The following FLRT1 variants were observed in gnomAD, a reference collection of about 807,000 sequenced individuals.
The protein encoded by FLRT1 is fibronectin leucine rich transmembrane protein 1, also known as leucine-rich repeat transmembrane protein FLRT1.
Under a neutral mutation model 30.9 loss-of-function variants are expected in FLRT1, and 14 were observed. The ratio of observed to expected loss-of-function variants is 0.45; its 90% confidence interval spans 0.30 to 0.71. The LOEUF (loss-of-function observed/expected upper bound fraction) is 0.71, where lower values mean the gene tolerates loss of function less well. Among genes scored for constraint, FLRT1 ranks in the 30% least tolerant of loss-of-function variants. FLRT1 has a pLI of 0.08. For synonymous variants in FLRT1, 368 were observed against 430.4 expected (o/e 0.85, Z 1.80); for missense variants, 737 against 949.2 (o/e 0.78, Z 2.94).
rs1175440566 is a variant in FLRT1, at chr11:64,036,862, C to T, written c.-1038+703C>T. On this transcript the variant is annotated intron_variant, in intron 1 of 2. Transcript: ENST00000682287. The surrounding 1 kb of genome is among the most constrained non-coding windows in gnomAD (Gnocchi z 5.6). ...AAGGAGGCGGCCCGACCCGGCGGCG[C>T]ACGCCCCTCCTCGCGGGCACTGGAG... 6.6e-6 allele frequency among the ~76,000 whole-genome samples: 1 copy of T among 152,144 alleles called. No individual in the cohort carries two copies. The highest frequency in any genetic ancestry group is 1.5e-5 in the Non-Finnish European group (1 of 68,014).
intron 1 of FLRT1, among the ~76,000 whole-genome samples, chr11:64,099,872 G>C (rs1944641401): frequency 6.6e-6 from 1 of 151,952 alleles, no homozygotes; most frequent in African/African-American, 2.4e-5. Context: ...TGGTGAGATG[G>C]AGGGATCGAG....
At position 64,073,904 on chromosome 11, in the gene FLRT1, G is replaced by A. The variant is rs545888075; in HGVS notation, c.-1037-29290G>A. Among the ~76,000 whole-genome samples, 16 of 152,294 alleles carry A rather than the reference G, an allele frequency of 1.1e-4. 1 individual carries two copies. The highest frequency in any genetic ancestry group is 1.0e-3 in the Admixed American group (16 of 15,308). On this transcript the variant is annotated intron_variant, in intron 1 of 2. Coordinates refer to ENST00000682287, the MANE Select transcript of FLRT1 (RefSeq NM_013280.5). ...CCAGCCCAGCCACTTAGGGGCTCTG[G>A]GGTTGAAGGGTTGGTTGGGCTGAAG...
chr11:64,064,930 G>A lies in FLRT1; in HGVS notation c.-1038+28771G>A, dbSNP rs1314390607. On this transcript the variant is annotated intron_variant, in intron 1 of 2. Coordinates refer to ENST00000682287, the MANE Select transcript of FLRT1 (RefSeq NM_013280.5). This position sits in a 1 kb window ranked among gnomAD's most constrained non-coding sequence, Gnocchi z 4.5. ...ACGTGCCAGGCAAGGCGGCAGGCAGGAGGGCCACCATGGTGACTGAGACAG... is the reference window on the plus strand; with the variant it reads ...ACGTGCCAGGCAAGGCGGCAGGCAGAAGGGCCACCATGGTGACTGAGACAG... Among the ~76,000 whole-genome samples, 1 of 151,744 alleles carries A rather than the reference G, an allele frequency of 6.6e-6. No homozygotes were observed. Among genetic ancestry groups the A allele is most frequent in the East Asian group, 1.9e-4 (1 of 5,152 alleles).
At chr11:64,079,107 G>A (rs1944258786) in intron 1 of FLRT1, among the ~76,000 whole-genome samples, 1 of 151,688 alleles carries the variant, frequency 6.6e-6, no homozygotes, top group Non-Finnish European at 1.5e-5. Context: ...AAGAGATGGT[G>A]CAGTGGGGGG....
rs116400508 is a variant in FLRT1 at position 64,072,758 on chromosome 11, T to C, written c.-1037-30436T>C. Among the ~76,000 whole-genome samples, 1,187 of 152,354 alleles carry C rather than the reference T, an allele frequency of 7.8e-3. 14 individuals carry two copies. The highest frequency in any genetic ancestry group is 0.025 in the African/African-American group (1,057 of 41,568). On this transcript the variant is annotated intron_variant, in intron 1 of 2. Transcript: ENST00000682287. ...AAATACATTAAGAAGCAACTGCTTT[T>C]GGAATCTGGGGTTGATCTCTGTCTT...
intron 1 of FLRT1, among the ~76,000 whole-genome samples, chr11:64,043,377 C>G (rs1052387924): frequency 2.6e-5 from 4 of 152,220 alleles, no homozygotes; most frequent in African/African-American, 9.6e-5. Flanking sequence ...TGGGGCACTG[C>G]TGAGCCCCGA....
chr11:64,099,974 T>A (rs1802678689), intron 1 of FLRT1, among the ~76,000 whole-genome samples: 1 of 152,042 alleles, frequency 6.6e-6, no homozygotes, highest in Admixed American at 6.6e-5. Flanking sequence ...CTCAGTGCAG[T>A]GTTTGGTGGA....
intron 2 of FLRT1, among the ~76,000 whole-genome samples, chr11:64,115,146 G>C (rs1177131384): frequency 6.6e-6 from 1 of 152,220 alleles, no homozygotes; most frequent in African/African-American, 2.4e-5. Context: ...GTGTTTTACA[G>C]CAGACTTTTG....
intron 1 of FLRT1, among the ~76,000 whole-genome samples, chr11:64,074,714 G>T (rs1590871922): frequency 6.6e-6 from 1 of 152,182 alleles, no homozygotes; most frequent in Non-Finnish European, 1.5e-5. Flanking sequence ...TGCCCTGTGG[G>T]TCCCTGAGCT....
At chr11:64,074,944 T>TC (rs1944175922) in intron 1 of FLRT1, among the ~76,000 whole-genome samples, 1 of 152,200 alleles carries the variant, frequency 6.6e-6, no homozygotes, top group Non-Finnish European at 1.5e-5. Flanking sequence ...AAGGGGTCAC[T>TC]TCCCATTAAA....
At position 64,116,472 on chromosome 11, in the gene FLRT1, G is replaced by A. The variant is rs748337416; in HGVS notation, c.205G>A (p.Asp69Asn). ...RCDNGFIYCN[D>N]RGLTSIPADI... The stretch of plus-strand genomic sequence containing the variant: ...CGACAACGGCTTCATCTACTGCAAC[G>A]ACCGGGGACTCACATCCATCCCCGC... Residue 69 changes from aspartate (D) to asparagine (N), a missense_variant, in exon 3 of 3, where the codon GAC becomes AAC. By Grantham distance (23) the Asp-to-Asn change is conservative (BLOSUM62 1). Transcript: ENST00000682287. 12 of 1,613,920 alleles carry A rather than the reference G, an allele frequency of 7.4e-6. No individual in the cohort carries two copies. The highest frequency in any genetic ancestry group is 1.7e-5 in the Admixed American group (1 of 60,018).
At chr11:64,047,121 G>A (rs1390405736) in intron 1 of FLRT1, among the ~76,000 whole-genome samples, 1 of 151,658 alleles carries the variant, frequency 6.6e-6, no homozygotes. Context: ...CTCACTCCCC[G>A]ACATTGGCTG....
chr11:64,042,282 C>T (rs987160448), intron 1 of FLRT1, among the ~76,000 whole-genome samples: 5 of 152,104 alleles, frequency 3.3e-5, no homozygotes, highest in Admixed American at 6.5e-5. Context: ...CACATCTCAC[C>T]CCCACCTCTG....
chr11:64,066,194 G>A (rs1418774672), intron 1 of FLRT1, among the ~76,000 whole-genome samples: 4 of 151,322 alleles, frequency 2.6e-5, no homozygotes, highest in Admixed American at 2.6e-4. Context: ...CTACTCAGGA[G>A]GCTGAGGCAG....
intron 1 of FLRT1, among the ~76,000 whole-genome samples, chr11:64,063,668 T>G (rs943458520): frequency 6.6e-6 from 1 of 152,088 alleles, no homozygotes; most frequent in African/African-American, 2.4e-5. Flanking sequence ...GTGTGCTGGA[T>G]GGGCAGAAGC....
At position 64,058,275 on chromosome 11, in the gene FLRT1, T is replaced by G. The variant is rs113816669; in HGVS notation, c.-1038+22116T>G. ...CCCGAGGGTGCTCTCGGATGAGCAG[T>G]TGGGGACTACTGTCGGCTCTGCTGT... On this transcript the variant is annotated intron_variant, in intron 1 of 2. Coordinates refer to ENST00000682287, the MANE Select transcript of FLRT1 (RefSeq NM_013280.5). 9.9e-3 allele frequency among the ~76,000 whole-genome samples: 1,511 copies of G among 152,262 alleles called. 24 individuals carry two copies. The highest frequency in any genetic ancestry group is 0.034 in the African/African-American group (1,413 of 41,552).
chr11:64,070,579 C>A (rs1944089382), intron 1 of FLRT1, among the ~76,000 whole-genome samples: 2 of 152,188 alleles, frequency 1.3e-5, no homozygotes, highest in African/African-American at 4.8e-5. Context: ...CAGCCTCACC[C>A]TCCCCTCTCC....
chr11:64,061,072 C>A (rs184659506), intron 1 of FLRT1, among the ~76,000 whole-genome samples: 2 of 152,168 alleles, frequency 1.3e-5, no homozygotes, highest in South Asian at 2.1e-4. Context: ...GCGTCCCCCC[C>A]ACTCCCAACC....
At chr11:64,108,711 G>A (rs985445335) in intron 2 of FLRT1, among the ~76,000 whole-genome samples, 12 of 152,200 alleles carry the variant, frequency 7.9e-5, no homozygotes, top group African/African-American at 2.7e-4. Flanking sequence ...CTGCCTGCAC[G>A]GCATTCTCAG....
Sources: gnomAD v4.1 joint callset for allele counts (sites outside exome capture counted in the v4.1 genomes callset) on GRCh38, gnomAD v4.1.1 for gene constraint, Gnocchi (gnomAD v3.1) non-coding constraint, MANE v1.5 for transcripts, NCBI Gene and HGNC (gene_info 2026-07-23, HGNC 2026-07-21) for gene names.